PACRG: variants seen among roughly 807,000 people sequenced by gnomAD.
PACRG encodes the protein parkin coregulated, also known as parkin coregulated gene protein.
PACRG carries 29 observed loss-of-function variants against 29.7 expected under a neutral mutation model. The ratio of observed to expected loss-of-function variants is 0.98; its 90% CI spans 0.73 to 1.33. PACRG has a LOEUF of 1.33. PACRG is among the 40% of genes most tolerant of loss of function. The probability of loss-of-function intolerance (pLI) is 0.00; values close to 1 mark genes in which losing one functional copy is unlikely to be tolerated. For missense variants in PACRG, 279 were observed against 316.2 expected (o/e 0.88, Z 0.89); for synonymous variants, 116 against 118.7 (o/e 0.98, Z 0.15).
chr6:163,290,274 GCGCGCACACACACA>G (rs1373360965), intron 4 of PACRG, among the ~76,000 whole-genome samples: 15 of 87,030 alleles, frequency 1.7e-4, no homozygotes, highest in African/African-American at 6.4e-4. Context: ...GCACGCGCGC[GCGCGCACACACACA>G]CACACACACA....
intron 2 of PACRG, among the ~76,000 whole-genome samples, chr6:162,989,006 C>T (rs564821021): frequency 2.0e-4 from 30 of 152,036 alleles, no homozygotes; most frequent in East Asian, 3.9e-4. Context: ...AGTTATGCGA[C>T]GAAAAAATTC....
intron 4 of PACRG, among the ~76,000 whole-genome samples, chr6:163,129,394 C>T (rs1270776519): frequency 6.6e-6 from 1 of 152,172 alleles, no homozygotes; most frequent in Non-Finnish European, 1.5e-5. Context: ...GTACCTGCCA[C>T]TGGGCAAAAA....
intron 1 of PACRG, among the ~76,000 whole-genome samples, chr6:162,778,357 A>G (rs1052679724): frequency 3.3e-5 from 5 of 152,178 alleles, no homozygotes; most frequent in South Asian, 2.1e-4. Flanking sequence ...TATAAGTGCT[A>G]TAAGCGTAAG....
chr6:163,129,640 T>G (rs1816655015), intron 4 of PACRG, among the ~76,000 whole-genome samples: 1 of 152,216 alleles, frequency 6.6e-6, no homozygotes, highest in African/African-American at 2.4e-5. Context: ...GTCCTCCTGA[T>G]CAGCAGCCTC....
intron 2 of PACRG, among the ~76,000 whole-genome samples, chr6:162,983,381 C>A (rs1178443247): frequency 6.7e-6 from 1 of 150,144 alleles, no homozygotes; most frequent in Non-Finnish European, 1.5e-5. Context: ...TTTTTTTTTC[C>A]ATTGTGTTAG....
chr6:162,749,436 A>G (rs913028650), intron 1 of PACRG, among the ~76,000 whole-genome samples: 2 of 152,238 alleles, frequency 1.3e-5, no homozygotes, highest in African/African-American at 4.8e-5. Flanking sequence ...ACAGGGATAT[A>G]GTTTATACTT....
At chr6:163,306,516 T>C (rs1785203080) in intron 4 of PACRG, among the ~76,000 whole-genome samples, 1 of 152,192 alleles carries the variant, frequency 6.6e-6, no homozygotes, top group Admixed American at 6.5e-5. Flanking sequence ...CATTGTCAAT[T>C]GGTATGTAAA....
chr6:162,730,022 A>G (rs977007286), intron 1 of PACRG, among the ~76,000 whole-genome samples: 1 of 150,604 alleles, frequency 6.6e-6, no homozygotes, highest in Non-Finnish European at 1.5e-5. Context: ...TGCAAACATT[A>G]TTTATCCATT....
At chr6:162,762,487 A>C (rs371671878) in intron 1 of PACRG, among the ~76,000 whole-genome samples, 11 of 152,238 alleles carry the variant, frequency 7.2e-5, no homozygotes, top group African/African-American at 2.6e-4. Context: ...TTAAGGAGTG[A>C]GGATCATGAG....
chr6:163,165,065 A>T (rs1237762485), intron 4 of PACRG, among the ~76,000 whole-genome samples: 3 of 152,188 alleles, frequency 2.0e-5, no homozygotes, highest in Admixed American at 1.3e-4. Context: ...TTAAAAAAAA[A>T]TACTAACACC....
chr6:163,132,017 T>C (rs1026326394), intron 4 of PACRG, among the ~76,000 whole-genome samples: 1 of 152,246 alleles, frequency 6.6e-6, no homozygotes, highest in African/African-American at 2.4e-5. Context: ...TTTGACTGCA[T>C]GTGGTGTTAT....
At chr6:162,945,196 C>T (rs1184961381) in intron 2 of PACRG, among the ~76,000 whole-genome samples, 2 of 152,016 alleles carry the variant, frequency 1.3e-5, no homozygotes, top group Non-Finnish European at 2.9e-5. Context: ...TTAAACTTTT[C>T]ACTTAAAAGT....
At chr6:162,963,074 A>G (rs1047350149) in intron 2 of PACRG, among the ~76,000 whole-genome samples, 1 of 152,216 alleles carries the variant, frequency 6.6e-6, no homozygotes, top group African/African-American at 2.4e-5. Flanking sequence ...AGGAAAGTAT[A>G]GGATAAAAAT....
At chr6:162,748,171 A>T (rs538633855) in intron 1 of PACRG, among the ~76,000 whole-genome samples, 119 of 152,252 alleles carry the variant, frequency 7.8e-4, no homozygotes, top group Non-Finnish European at 1.2e-3. Context: ...GCTGAAACGT[A>T]TTAAAATATT....
intron 2 of PACRG, among the ~76,000 whole-genome samples, chr6:163,044,484 C>A (rs1000323092): frequency 1.3e-5 from 2 of 152,106 alleles, no homozygotes; most frequent in Non-Finnish European, 2.9e-5. Context: ...ATTAAAACTA[C>A]AAAAACCTGA....
intron 1 of PACRG, among the ~76,000 whole-genome samples, chr6:162,739,070 G>A (rs1780377190): frequency 6.6e-6 from 1 of 152,136 alleles, no homozygotes. Flanking sequence ...AATAGAGTTT[G>A]TCAAATTTCT....
At chr6:163,147,156 A>G (rs1363109416) in intron 4 of PACRG, among the ~76,000 whole-genome samples, 1 of 152,216 alleles carries the variant, frequency 6.6e-6, no homozygotes. Flanking sequence ...TGATTGGTTT[A>G]GGACCATGTG....
chr6:162,868,362 T>G (rs569567680), intron 2 of PACRG, among the ~76,000 whole-genome samples: 1 of 152,364 alleles, frequency 6.6e-6, no homozygotes, highest in African/African-American at 2.4e-5. Context: ...ACAAGAATTA[T>G]CTAACAGACA....
At chr6:162,814,831 A>T (rs1455137817) in intron 2 of PACRG, among the ~76,000 whole-genome samples, 1 of 152,170 alleles carries the variant, frequency 6.6e-6, no homozygotes, top group East Asian at 1.9e-4. Flanking sequence ...GCTGACCTCC[A>T]CCGCCAAAGC....
Sources: gnomAD v4.1 joint callset for allele counts (sites outside exome capture counted in the v4.1 genomes callset) on GRCh38, gnomAD v4.1.1 for gene constraint, MANE v1.5 for transcripts, NCBI Gene and HGNC (gene_info 2026-07-23, HGNC 2026-07-21) for gene names.